The following NRK variants were observed in gnomAD, a reference collection of about 807,000 sequenced individuals.
The protein encoded by NRK is nik-related protein kinase.
Under a neutral mutation model 125.2 loss-of-function variants are expected in NRK, and 67 were observed. The ratio of observed to expected loss-of-function variants is 0.54; its 90% CI spans 0.44 to 0.66. NRK has a LOEUF of 0.66. Among genes scored for constraint, NRK ranks in the 30% least tolerant of loss-of-function variants. The pLI, the probability that NRK is intolerant of heterozygous loss-of-function variation, is 0.00. For missense variants in NRK, 1,224 were observed against 1,192.9 expected (o/e 1.03, Z -0.38); for synonymous variants, 458 against 429.0 (o/e 1.07, Z -0.84).
intron 5 of NRK, among the ~76,000 whole-genome samples, chrX:105,891,312 A>C: frequency 8.9e-6 from 1 of 111,893 alleles, no homozygotes; most frequent in Non-Finnish European, 1.9e-5. Flanking sequence ...CTGTGGTAAA[A>C]ATAGTTAAAT....
Position 105,908,742 on chromosome X carries a change from T to G in NRK, c.1101T>G (p.Thr367=). 1 of 1,196,929 alleles carries G rather than the reference T, an allele frequency of 8.4e-7. No individual in the cohort carries two copies. Among genetic ancestry groups the G allele is most frequent in the Non-Finnish European group, 1.1e-6 (1 of 887,137 alleles). ...TVRRFRGPSC[T]HELLRLPTSS... ...TTTATTTTAGAGGACCCTCTTGCAC[T>G]CACGAGCTTCTGAGATTGCCAACCA... The change falls in exon 13 of 29, where the codon ACT becomes ACG. Residue 367 remains threonine (T), a synonymous_variant. Coordinates refer to ENST00000243300, the MANE Select transcript of NRK (RefSeq NM_198465.4).
intron 2 of NRK, among the ~76,000 whole-genome samples, chrX:105,844,404 A>C (rs769108017): frequency 8.9e-6 from 1 of 111,914 alleles, no homozygotes; most frequent in Admixed American, 9.5e-5. Flanking sequence ...AGACAGAATT[A>C]GTTGGTTATT....
Position 105,878,694 on chromosome X carries a change from TTTTCC to T in NRK, c.124-1496_124-1492del, listed in dbSNP as rs773170946. On this transcript the variant is annotated intron_variant, in intron 2 of 28. Coordinates refer to ENST00000243300, the MANE Select transcript of NRK (RefSeq NM_198465.4). Reference sequence around the variant, plus strand: ...CTGGATCAATCAATAACCTGTAACTTTTTCCTTTCCTTTAAAAATTCTAGTCTTCT... The same window carrying T: ...CTGGATCAATCAATAACCTGTAACTTTTTCCTTTAAAAATTCTAGTCTTCT... Among the ~76,000 whole-genome samples the T allele has an allele frequency of 2.1e-3, 238 of 111,207 alleles. 2 individuals carry two copies. Among genetic ancestry groups the T allele is most frequent in the African/African-American group, 7.5e-3 (229 of 30,696 alleles).
chrX:105,877,939 TCA>T (rs927156477), intron 2 of NRK, among the ~76,000 whole-genome samples: 5 of 111,272 alleles, frequency 4.5e-5, no homozygotes, highest in African/African-American at 9.8e-5. Flanking sequence ...ATTTTAGACT[TCA>T]AAAATTTTGT....
intron 2 of NRK, among the ~76,000 whole-genome samples, chrX:105,875,884 A>G (rs1478833396): frequency 9.0e-6 from 1 of 111,116 alleles, no homozygotes; most frequent in Non-Finnish European, 1.9e-5. Flanking sequence ...TTTTACGATA[A>G]GAATGAGAGC....
chrX:105,872,490 G>A (rs1052884714), intron 2 of NRK, among the ~76,000 whole-genome samples: 1 of 111,002 alleles, frequency 9.0e-6, no homozygotes, highest in Admixed American at 9.6e-5. Flanking sequence ...TCTTCCTGAT[G>A]GATAAGATGT....
chrX:105,955,544 G>T lies in NRK; in HGVS notation c.4693G>T (p.Val1565Phe). 4.2e-6 allele frequency: 5 copies of T among 1,195,106 alleles called. No homozygotes were observed. Among genetic ancestry groups the T allele is most frequent in the Non-Finnish European group, 5.7e-6 (5 of 884,919 alleles). Residue 1565 changes from valine to phenylalanine, a missense_variant, in exon 29 of 29, where the codon GTT (valine) becomes TTT (phenylalanine). Val to Phe is a conservative substitution (Grantham distance 50). Transcript: ENST00000243300. Reference protein sequence around the residue: ...TSTLRNHHSRVYFMTLGKLEE... With the variant: ...TSTLRNHHSRFYFMTLGKLEE... ...TACCCTGCGCAATCACCACAGCCGG[G>T]TTTACTTCATGACACTTGGAAAACT... is the stretch of plus-strand genomic sequence containing the variant.
Position 105,923,488 on chromosome X carries a change from T to C in NRK, c.2975+6T>C, listed in dbSNP as rs2040480694. 1 of 1,091,038 alleles carries C rather than the reference T, an allele frequency of 9.2e-7. No individual in the cohort carries two copies. The highest frequency in any genetic ancestry group is 1.9e-5 in the African/African-American group (1 of 53,177). The allele number at this position is 1,091,038 out of a possible 1,213,427, so 89.9% of individuals were successfully genotyped here. On this transcript the variant is annotated splice_donor_region_variant and intron_variant, in intron 18 of 28. Coordinates refer to ENST00000243300, the MANE Select transcript of NRK (RefSeq NM_198465.4). ...GAGGCGCCTAGTTGTCCAAGGTTGG[T>C]TTTTTTGAATTACTTATACTCTCCA...
chrX:105,874,598 T>C (rs1483514471), intron 2 of NRK, among the ~76,000 whole-genome samples: 1 of 112,341 alleles, frequency 8.9e-6, no homozygotes, highest in Non-Finnish European at 1.9e-5. Context: ...TGCTTTGTTA[T>C]GTTTAACAAG....
chrX:105,936,133 A>G (rs908129053), intron 21 of NRK, among the ~76,000 whole-genome samples: 1 of 111,709 alleles, frequency 9.0e-6, no homozygotes, highest in African/African-American at 3.2e-5. Context: ...AGAAAGGGAG[A>G]AATCCAAAGT....
intron 23 of NRK, among the ~76,000 whole-genome samples, 192 bp downstream of exon 23, chrX:105,940,224 A>G (rs1217692919): frequency 2.7e-5 from 3 of 111,323 alleles, no homozygotes; most frequent in African/African-American, 9.8e-5. Flanking sequence ...AATTTCACTG[A>G]CACATCTTCC....
rs2040992246 is a variant in NRK, at chrX:105,957,462, C to A, written c.*1862C>A. The A allele has an allele frequency of 9.0e-6, 1 of 111,547 alleles. No homozygotes were observed. Among genetic ancestry groups the A allele is most frequent in the South Asian group, 3.7e-4 (1 of 2,690 alleles). The allele number at this position is 111,547 out of a possible 1,213,427, so 9.2% of individuals were successfully genotyped here. On this transcript the variant is annotated 3_prime_UTR_variant, in exon 29 of 29. Coordinates refer to ENST00000243300, the MANE Select transcript of NRK (RefSeq NM_198465.4). The stretch of plus-strand genomic sequence containing the variant: ...ATATACGTAGTGTGTAGAATCAAGT[C>A]TTTTAATAATTCATTTTTTCTTCAT...
chrX:105,890,236 TC>T (rs1289043468), intron 5 of NRK, among the ~76,000 whole-genome samples: 1 of 111,687 alleles, frequency 9.0e-6, no homozygotes, highest in Non-Finnish European at 1.9e-5. Context: ...AAATTTCTCA[TC>T]TCCATCTGAG....
At chrX:105,910,206 G>T (rs934463365) in intron 13 of NRK, among the ~76,000 whole-genome samples, 2 of 111,695 alleles carry the variant, frequency 1.8e-5, no homozygotes, top group African/African-American at 6.5e-5. Context: ...TACTTTCATA[G>T]CTTAAAATTT....
chrX:105,908,369 C>A, intron 12 of NRK, 66 bp downstream of exon 12: 1 of 558,773 alleles, frequency 1.8e-6, no homozygotes, highest in Non-Finnish European at 2.7e-6. Flanking sequence ...TGATTCCATA[C>A]TGTTGCCTTT....
At chrX:105,937,641 G>T (rs1839413812) in intron 22 of NRK, 59 bp downstream of exon 22, 2 of 888,229 alleles carry the variant, frequency 2.3e-6, no homozygotes, top group East Asian at 3.3e-5. Context: ...TCTGCAAACT[G>T]GGTTAAAGAC....
chrX:105,826,164 GAT>G (rs947537405), intron 1 of NRK, among the ~76,000 whole-genome samples: 2 of 85,585 alleles, frequency 2.3e-5, no homozygotes, highest in African/African-American at 4.4e-5. Context: ...TATATGGTAA[GAT>G]ATATATATGA....
chrX:105,915,875 C>T (rs967001932), intron 15 of NRK, 78 bp downstream of exon 15: 17 of 541,433 alleles, frequency 3.1e-5, no homozygotes, highest in Middle Eastern at 5.4e-4. Flanking sequence ...ATTGATAATA[C>T]ACTTTGTGAA....
At chrX:105,886,130 C>A (rs2039941044) in intron 4 of NRK, among the ~76,000 whole-genome samples, 1 of 109,665 alleles carries the variant, frequency 9.1e-6, no homozygotes, top group South Asian at 3.9e-4. Context: ...CCAATTATCA[C>A]TATATAGATA....
Sources: allele counts gnomAD v4.1 joint callset (sites outside exome capture counted in the v4.1 genomes callset), GRCh38; gene constraint gnomAD v4.1.1; transcripts MANE v1.5; gene names NCBI Gene and HGNC (gene_info 2026-07-23, HGNC 2026-07-21).